The following FUBP3 variants were observed in gnomAD, a reference collection of about 807,000 sequenced individuals.
FUBP3 encodes the protein far upstream element binding protein 3.
FUBP3 carries 28 observed loss-of-function variants against 85.6 expected under a neutral mutation model. The ratio of observed to expected loss-of-function variants is 0.33; its 90% CI spans 0.24 to 0.45. The LOEUF (loss-of-function observed/expected upper bound fraction) is 0.45, where lower values mean the gene tolerates loss of function less well. Ranked by LOEUF, FUBP3 falls within the 20% of genes least tolerant of loss-of-function variation. FUBP3 has a pLI of 1.00. For synonymous variants in FUBP3, 271 were observed against 271.4 expected, an observed-to-expected ratio of 1.00 and a Z score of 0.01; for missense variants, 583 against 755.1, an observed-to-expected ratio of 0.77 and a Z score of 2.67.
intron 2 of FUBP3, among the ~76,000 whole-genome samples, chr9:130,603,366 A>C (rs1245721963): frequency 9.1e-6 from 1 of 110,114 alleles, no homozygotes; most frequent in Non-Finnish European, 1.8e-5. Flanking sequence ...AAAAAAAAAA[A>C]AACAAATAGT....
chr9:130,605,493 C>G (rs1337470250), intron 2 of FUBP3, among the ~76,000 whole-genome samples: 1 of 152,262 alleles, frequency 6.6e-6, no homozygotes, highest in African/African-American at 2.4e-5. Context: ...CTGCATGCCA[C>G]TCTGAGGGCT....
At chr9:130,615,448 A>C (rs1210657481) in intron 6 of FUBP3, among the ~76,000 whole-genome samples, 1 of 152,246 alleles carries the variant, frequency 6.6e-6, no homozygotes, top group Non-Finnish European at 1.5e-5. Context: ...CATTGTCTTC[A>C]GTGAGCAGCA....
intron 16 of FUBP3, 61 bp from the exon 17 acceptor site, chr9:130,634,606 G>A: frequency 7.2e-7 from 1 of 1,395,094 alleles, no homozygotes; most frequent in Non-Finnish European, 1.0e-6. Context: ...GCAGCTGGCG[G>A]GCTGGGGCCG....
In FUBP3 at chr9:130,616,439, A is replaced by C. The variant is rs751801895; in HGVS notation, c.489A>C (p.Thr163=). 1.5e-5 allele frequency: 24 copies of C among 1,613,958 alleles called. No individual in the cohort carries two copies. The highest frequency in any genetic ancestry group is 1.9e-5 in the Non-Finnish European group (22 of 1,179,936). ...ATAATGACATAGACAGCAACAGCAC[A>C]ATCCAGGAGATTCTCATTCCCGCAT... The part of the protein sequence containing the change: ...GFHNDIDSNS[T]IQEILIPASK... Residue 163 remains threonine, a synonymous_variant, in exon 7 of 19, where the codon ACA becomes ACC. Transcript: ENST00000319725. This position sits in a 1 kb window ranked among gnomAD's most constrained non-coding sequence, Gnocchi z 4.7.
At chr9:130,590,223 G>T (rs71501151) in intron 1 of FUBP3, among the ~76,000 whole-genome samples, 582 of 152,152 alleles carry the variant, frequency 3.8e-3, no homozygotes, top group Middle Eastern at 6.8e-3. Context: ...ATCACCTTGT[G>T]CATTTTTCTT....
At chr9:130,590,419 T>C (rs1024406730) in intron 1 of FUBP3, among the ~76,000 whole-genome samples, 9 of 152,252 alleles carry the variant, frequency 5.9e-5, no homozygotes, top group African/African-American at 2.2e-4. Flanking sequence ...GTTAAGTGTC[T>C]GTGACGTTGA....
At position 130,593,503 on chromosome 9, in the gene FUBP3, A is replaced by G. The variant is rs530311418; in HGVS notation, c.85-1980A>G. ...CAAAAACTATGAAATATATGGTATT[A>G]CCCTGGGGCATCATGCAGAGAGGAG... On this transcript the variant is annotated intron_variant, in intron 1 of 18. Coordinates refer to ENST00000319725, the MANE Select transcript of FUBP3 (RefSeq NM_003934.2). Among the ~76,000 whole-genome samples the G allele has an allele frequency of 2.7e-3, 411 of 152,352 alleles. 3 individuals carry two copies. Among genetic ancestry groups the G allele is most frequent in the African/African-American group, 9.7e-3 (403 of 41,580 alleles).
chr9:130,610,792 A>C (rs1831704411), intron 3 of FUBP3, among the ~76,000 whole-genome samples: 1 of 152,102 alleles, frequency 6.6e-6, no homozygotes, highest in Non-Finnish European at 1.5e-5. Context: ...TCTAGAAATC[A>C]CCGGTCATCA....
In FUBP3 at chr9:130,623,614, A is replaced by G. The variant is rs773484155; in HGVS notation, c.878A>G (p.Asp293Gly). Reference protein sequence around the residue: ...AGVRIQFKPDDGISPERAAQV... With the variant: ...AGVRIQFKPDGGISPERAAQV... ...TGTCTCTCACCTGGCTCCTCAGATG[A>G]TGGGATTAGTCCAGAAAGAGCTGCC... Residue 293 changes from aspartate (D) to glycine (G), a missense_variant, in exon 11 of 19, where the codon GAT becomes GGT. Physicochemically the swap from Asp to Gly is moderately conservative, Grantham distance 94. Around this residue, in one of 3 missense-constraint regions of FUBP3, gnomAD observed 404 missense variants for 516.8 expected, o/e 0.78. Coordinates refer to ENST00000319725, the MANE Select transcript of FUBP3 (RefSeq NM_003934.2). 5.0e-6 allele frequency: 8 copies of G among 1,606,838 alleles called. No homozygotes were observed. The highest frequency in any genetic ancestry group is 6.0e-6 in the Non-Finnish European group (7 of 1,173,596).
intron 3 of FUBP3, among the ~76,000 whole-genome samples, chr9:130,611,107 G>A (rs1458422078): frequency 6.6e-6 from 1 of 152,184 alleles, no homozygotes; most frequent in Non-Finnish European, 1.5e-5. Flanking sequence ...TTAGGGCCAA[G>A]GGCTGCCTGG....
chr9:130,603,482 C>T (rs1320615688), intron 2 of FUBP3, among the ~76,000 whole-genome samples: 2 of 152,104 alleles, frequency 1.3e-5, no homozygotes, highest in Non-Finnish European at 2.9e-5. Flanking sequence ...TCCCTCCCTT[C>T]ACCCATCTAT....
intron 1 of FUBP3, among the ~76,000 whole-genome samples, chr9:130,588,923 G>A (rs969004139): frequency 2.6e-5 from 4 of 152,182 alleles, no homozygotes; most frequent in African/African-American, 9.7e-5. Flanking sequence ...TCCCAGGCAG[G>A]ACCTCTCTGG....
At chr9:130,606,592 G>C (rs1329405643) in intron 2 of FUBP3, among the ~76,000 whole-genome samples, 1 of 152,108 alleles carries the variant, frequency 6.6e-6, no homozygotes, top group Non-Finnish European at 1.5e-5. Flanking sequence ...AGGCTAAAGT[G>C]GGCGGATCAC....
intron 6 of FUBP3, among the ~76,000 whole-genome samples, chr9:130,615,473 A>G (rs981302752): frequency 6.6e-6 from 1 of 152,260 alleles, no homozygotes; most frequent in African/African-American, 2.4e-5. Flanking sequence ...TAGCCTGTTT[A>G]GTAGCTGAAT....
intron 2 of FUBP3, among the ~76,000 whole-genome samples, chr9:130,599,613 T>C (rs985413783): frequency 1.3e-5 from 2 of 152,076 alleles, no homozygotes; most frequent in Non-Finnish European, 2.9e-5. Context: ...CAGTCACCAG[T>C]CACTCCACCG....
intron 3 of FUBP3, among the ~76,000 whole-genome samples, chr9:130,610,760 T>C (rs1465420936): frequency 6.6e-6 from 1 of 152,230 alleles, no homozygotes; most frequent in South Asian, 2.1e-4. Context: ...CATCTTGTAT[T>C]CTGCCTAGGT....
intron 12 of FUBP3, among the ~76,000 whole-genome samples, chr9:130,628,957 C>T (rs936710582): frequency 2.6e-5 from 4 of 152,058 alleles, no homozygotes; most frequent in Admixed American, 6.5e-5. Context: ...TTAGTAGAGA[C>T]GGGGTTTCTC....
At chr9:130,584,436 G>T (rs975881852) in intron 1 of FUBP3, among the ~76,000 whole-genome samples, 1 of 152,002 alleles carries the variant, frequency 6.6e-6, no homozygotes, top group Non-Finnish European at 1.5e-5. Context: ...GCTGAGGTGG[G>T]AGAATAGCTT....
At chr9:130,604,535 CA>C (rs1831321739) in intron 2 of FUBP3, among the ~76,000 whole-genome samples, 2 of 152,302 alleles carry the variant, frequency 1.3e-5, no homozygotes, top group Admixed American at 1.3e-4. Context: ...CTCATCTGTA[CA>C]ATGGACCTGA....
Sources: gnomAD v4.1 joint callset for allele counts (sites outside exome capture counted in the v4.1 genomes callset) on GRCh38, gnomAD v4.1.1 for gene constraint, gnomAD v4.1.1 regional missense constraint, Gnocchi (gnomAD v3.1) non-coding constraint, MANE v1.5 for transcripts, NCBI Gene and HGNC (gene_info 2026-07-23, HGNC 2026-07-21) for gene names.